The following ZNF253 variants were observed in gnomAD, a reference collection of about 807,000 sequenced individuals.
ZNF253 encodes the protein zinc finger protein 253.
A neutral mutation model predicts 11.9 loss-of-function variants in ZNF253; 8 were observed. The observed-to-expected ratio is 0.67, with a 90% CI of 0.40 to 1.22. The LOEUF is 1.22. ZNF253 is among the 50% of genes most tolerant of loss of function. The pLI is 0.01. For missense variants in ZNF253, 485 were observed against 586.9 expected (o/e 0.83, Z 1.79); for synonymous variants, 194 against 194.9 (o/e 1.00, Z 0.04).
chr19:19,880,266 G>A (rs2063172074), intron 3 of ZNF253, 120 bp downstream of exon 3: 1 of 626,372 alleles, frequency 1.6e-6, no homozygotes, highest in African/African-American at 2.0e-5. Context: ...ATAGGTCCTG[G>A]GCAGCTGTTT....
At chr19:19,890,832 A>ATTTTTTTTTTTT in intron 3 of ZNF253, among the ~76,000 whole-genome samples, 1 of 76,834 alleles carries the variant, frequency 1.3e-5, no homozygotes. Flanking sequence ...CAACAATTTA[A>ATTTTTTTTTTTT]TTTTTTTTTT....
In ZNF253 at chr19:19,872,429, GT is replaced by G. The variant is rs549094694; in HGVS notation, c.4-6051del. On this transcript the variant is annotated intron_variant, in intron 1 of 3. Coordinates refer to ENST00000589717, the MANE Select transcript of ZNF253 (RefSeq NM_021047.3). ...AACTCAGAGAGACGTTGAAAATAAA[GT>G]GCAGTTATGTATTTCTCCTCCCTTT... Among the ~76,000 whole-genome samples the G allele has an allele frequency of 5.3e-5, 8 of 151,708 alleles. No individual in the cohort carries two copies. The South Asian group carries it at 1.7e-3, about 32-fold the overall frequency.
Position 19,885,298 on chromosome 19 carries a change from T to TTC in ZNF253, c.226+5153_226+5154insCT, listed in dbSNP as rs2063198921. Among the ~76,000 whole-genome samples the TTC allele has an allele frequency of 8.0e-5, 3 of 37,590 alleles. No homozygotes were observed. The African/African-American group carries it at 8.1e-4, about 10-fold the overall frequency. 24.7% of individuals were successfully genotyped at this position (37,590 alleles called of 152,430 possible). A position where few individuals can be genotyped will look rare whatever the true frequency, so the allele number is the denominator to read the frequency against. On this transcript the variant is annotated intron_variant, in intron 3 of 3. Coordinates refer to ENST00000589717, the MANE Select transcript of ZNF253 (RefSeq NM_021047.3). Reference sequence around the variant, plus strand: ...TTCTTTCTTTCTTTCTTTCTCTTTCTTTTCTTTCTTTCTTTCTTTCTTTCT... The same window carrying TTC: ...TTCTTTCTTTCTTTCTTTCTCTTTCTTCTTTCTTTCTTTCTTTCTTTCTTTCT...
chr19:19,875,390 C>CTT (rs2063150743), intron 1 of ZNF253, among the ~76,000 whole-genome samples: 1 of 150,738 alleles, frequency 6.6e-6, no homozygotes, highest in African/African-American at 2.5e-5. Flanking sequence ...CTACATTAAA[C>CTT]TCTTTCTTTC....
intron 3 of ZNF253, among the ~76,000 whole-genome samples, chr19:19,887,546 A>C (rs1053262199): frequency 2.6e-5 from 4 of 151,894 alleles, no homozygotes; most frequent in African/African-American, 9.7e-5. Context: ...TGATCTATAT[A>C]TTGTCCTTCT....
intron 3 of ZNF253, among the ~76,000 whole-genome samples, chr19:19,887,711 C>T (rs2063211831): frequency 6.7e-6 from 1 of 149,126 alleles, no homozygotes; most frequent in African/African-American, 2.5e-5. Flanking sequence ...CACTTTCAGT[C>T]TTTGTCATTA....
intron 1 of ZNF253, among the ~76,000 whole-genome samples, chr19:19,875,617 G>C (rs940689933): frequency 2.0e-5 from 3 of 151,928 alleles, no homozygotes; most frequent in Non-Finnish European, 2.9e-5. Context: ...GGATGGTCTC[G>C]ATCTCCTGAC....
intron 1 of ZNF253, among the ~76,000 whole-genome samples, chr19:19,866,795 G>A (rs1052350955): frequency 6.6e-6 from 1 of 152,128 alleles, no homozygotes; most frequent in South Asian, 2.1e-4. Context: ...CGCCGTTATT[G>A]CCTCTGTGTC....
chr19:19,885,002 A>G (rs1372465204), intron 3 of ZNF253, among the ~76,000 whole-genome samples: 1 of 152,118 alleles, frequency 6.6e-6, no homozygotes, highest in Non-Finnish European at 1.5e-5. Context: ...TTTAAGAGTC[A>G]TTTATATATT....
At chr19:19,868,078 A>G (rs2063118844) in intron 1 of ZNF253, among the ~76,000 whole-genome samples, 1 of 150,548 alleles carries the variant, frequency 6.6e-6, no homozygotes, top group South Asian at 2.1e-4. Context: ...TTAAGTTCTT[A>G]ATAAATTCTG....
chr19:19,873,439 C>T (rs1250693813), intron 1 of ZNF253, among the ~76,000 whole-genome samples: 1 of 152,154 alleles, frequency 6.6e-6, no homozygotes, highest in Non-Finnish European at 1.5e-5. Flanking sequence ...GGAATTCTCT[C>T]ACAGTCTCCT....
At chr19:19,891,304 T>C (rs2122141714) in intron 3 of ZNF253, among the ~76,000 whole-genome samples, 170 bp from the exon 4 acceptor site, 1 of 152,358 alleles carries the variant, frequency 6.6e-6, no homozygotes, top group South Asian at 2.1e-4. Context: ...AATTTTATTT[T>C]TGTCACTATG....
At chr19:19,875,993 A>G (rs2063154310) in intron 1 of ZNF253, among the ~76,000 whole-genome samples, 1 of 152,196 alleles carries the variant, frequency 6.6e-6, no homozygotes, top group Non-Finnish European at 1.5e-5. Flanking sequence ...ATATAGACTT[A>G]TTCAGACATT....
At chr19:19,887,527 G>C (rs1312104076) in intron 3 of ZNF253, among the ~76,000 whole-genome samples, 2 of 151,904 alleles carry the variant, frequency 1.3e-5, no homozygotes, top group Non-Finnish European at 2.9e-5. Flanking sequence ...TTGAATGCCT[G>C]ACCTCAGGTG....
intron 1 of ZNF253, among the ~76,000 whole-genome samples, chr19:19,871,485 A>G (rs914456559): frequency 7.9e-5 from 12 of 152,342 alleles, no homozygotes; most frequent in South Asian, 4.1e-4. Flanking sequence ...TAAATAGCCA[A>G]AAAGATAGAA....
In ZNF253 at chr19:19,887,064, T is replaced by C. The variant is rs186070712; in HGVS notation, c.227-4410T>C. Among the ~76,000 whole-genome samples the C allele has an allele frequency of 3.0e-4, 46 of 152,168 alleles. 1 individual carries two copies. Among genetic ancestry groups the C allele is most frequent in the African/African-American group, 1.1e-3 (44 of 41,550 alleles). Reference sequence around the variant, plus strand: ...TAAATCAACTCACTTTACTATAAAATAATACCAGTCTATGTCTCATGGTAG... The same window carrying C: ...TAAATCAACTCACTTTACTATAAAACAATACCAGTCTATGTCTCATGGTAG... On this transcript the variant is annotated intron_variant, in intron 3 of 3. Coordinates refer to ENST00000589717, the MANE Select transcript of ZNF253 (RefSeq NM_021047.3).
At chr19:19,883,444 C>A (rs1250275013) in intron 3 of ZNF253, among the ~76,000 whole-genome samples, 2 of 151,894 alleles carry the variant, frequency 1.3e-5, no homozygotes, top group Non-Finnish European at 2.9e-5. Flanking sequence ...AGACCTCTCT[C>A]TATAAAAAAA....
intron 1 of ZNF253, among the ~76,000 whole-genome samples, chr19:19,878,021 A>G (rs1437118786): frequency 6.6e-6 from 1 of 152,098 alleles, no homozygotes; most frequent in Non-Finnish European, 1.5e-5. Context: ...CGCATTAGAG[A>G]TGAGCTTGTC....
At chr19:19,885,349 T>TCTTTCTTC (rs1568499290) in intron 3 of ZNF253, among the ~76,000 whole-genome samples, 1 of 66,830 alleles carries the variant, frequency 1.5e-5, no homozygotes, top group Non-Finnish European at 2.4e-5. Context: ...TTTCTTTCTT[T>TCTTTCTTC]CTTTCTTCCT....
Sources: gnomAD v4.1 joint callset for allele counts (sites outside exome capture counted in the v4.1 genomes callset) on GRCh38, gnomAD v4.1.1 for gene constraint, MANE v1.5 for transcripts, NCBI Gene and HGNC (gene_info 2026-07-23, HGNC 2026-07-21) for gene names.